Variants in MACROD2 observed in about 807,000 individuals in gnomAD.
MACROD2 encodes the protein ADP-ribose glycohydrolase MACROD2.
MACROD2 carries 36 observed loss-of-function variants against 70.4 expected under a neutral mutation model. The observed-to-expected ratio is 0.51, with a 90% CI of 0.39 to 0.68. The LOEUF (loss-of-function observed/expected upper bound fraction) is 0.68, where lower values mean the gene tolerates loss of function less well. Among genes scored for constraint, MACROD2 ranks in the 30% least tolerant of loss-of-function variants. MACROD2 has a pLI of 0.00. For synonymous variants in MACROD2, 172 were observed against 178.8 expected (o/e 0.96, Z 0.30); for missense variants, 496 against 538.4 (o/e 0.92, Z 0.78).
Position 15,559,119 on chromosome 20 carries a change from CGG to C in MACROD2, c.645+59274_645+59275del, listed in dbSNP as rs1353917668. 1.1e-4 allele frequency among the ~76,000 whole-genome samples: 17 copies of C among 149,908 alleles called. 1 individual carries two copies. The East Asian group carries it at 3.4e-3, about 30-fold the overall frequency. On this transcript the variant is annotated intron_variant, in intron 8 of 17. Coordinates refer to ENST00000684519, the MANE Select transcript of MACROD2 (RefSeq NM_001351661.2). The stretch of plus-strand genomic sequence containing the variant: ...GCGCACGCCTGTAGTCCCAGCTACA[CGG>C]GAGGCTGAGGCAGGAGAATGGCGTG...
At chr20:14,100,810 A>G (rs897890195) in intron 3 of MACROD2, among the ~76,000 whole-genome samples, 26 of 124,844 alleles carry the variant, frequency 2.1e-4, no homozygotes, top group African/African-American at 7.3e-4. Context: ...ATGATATATA[A>G]TCATATATCA....
intron 8 of MACROD2, among the ~76,000 whole-genome samples, chr20:15,812,216 C>G (rs16996604): frequency 0.029 from 4,408 of 152,268 alleles, 125 homozygotes; most frequent in East Asian, 0.069. Context: ...ATGCCTTATA[C>G]AAGGTGGGCT....
chr20:14,699,165 AG>A (rs1478163829), intron 5 of MACROD2, among the ~76,000 whole-genome samples: 5 of 152,172 alleles, frequency 3.3e-5, no homozygotes, highest in African/African-American at 7.2e-5. Context: ...ATTGATAGTG[AG>A]GTCCTTTCCC....
At chr20:14,585,111 A>T (rs1194765098) in intron 4 of MACROD2, among the ~76,000 whole-genome samples, 2 of 152,206 alleles carry the variant, frequency 1.3e-5, no homozygotes, top group Non-Finnish European at 2.9e-5. Flanking sequence ...TTGCTAGAGC[A>T]GCCCAGTTGT....
In MACROD2 at chr20:15,876,640, G is replaced by C. The variant is rs1358081975; in HGVS notation, c.728-9124G>C. On this transcript the variant is annotated intron_variant, in intron 9 of 17. Transcript: ENST00000684519. ...TTGGGTATATACCCAGTAATGGGATGGCTGGATCAAATGGTCTTTCTAGTT... is the reference window on the plus strand; with the variant it reads ...TTGGGTATATACCCAGTAATGGGATCGCTGGATCAAATGGTCTTTCTAGTT... Among the ~76,000 whole-genome samples the C allele has an allele frequency of 3.3e-5, 5 of 152,222 alleles. No individual in the cohort carries two copies. The South Asian group carries it at 1.0e-3, about 32-fold the overall frequency.
At chr20:15,998,291 A>G (rs1203180765) in intron 15 of MACROD2, among the ~76,000 whole-genome samples, 3 of 152,218 alleles carry the variant, frequency 2.0e-5, no homozygotes, top group African/African-American at 7.2e-5. Context: ...GAATTCACCA[A>G]TGAAGTAATC....
chr20:14,402,908 G>A (rs1254932132), intron 3 of MACROD2, among the ~76,000 whole-genome samples: 6 of 152,266 alleles, frequency 3.9e-5, no homozygotes, highest in African/African-American at 1.2e-4. Flanking sequence ...ATATGCTAAT[G>A]ACAGAAGGCA....
intron 8 of MACROD2, among the ~76,000 whole-genome samples, chr20:15,688,662 C>T (rs1242931524): frequency 6.6e-6 from 1 of 152,164 alleles, no homozygotes; most frequent in African/African-American, 2.4e-5. Context: ...AAAATGGCCT[C>T]TACACTTATT....
intron 12 of MACROD2, among the ~76,000 whole-genome samples, chr20:15,959,340 G>A (rs1187525146): frequency 1.3e-5 from 2 of 152,084 alleles, no homozygotes; most frequent in African/African-American, 2.4e-5. Flanking sequence ...GAAATTTACT[G>A]AACCTGTTTT....
intron 5 of MACROD2, among the ~76,000 whole-genome samples, chr20:14,808,353 G>A (rs2072665625): frequency 6.6e-6 from 1 of 152,028 alleles, no homozygotes; most frequent in African/African-American, 2.4e-5. Flanking sequence ...AAGTGAAGAA[G>A]AAATAAAATC....
intron 6 of MACROD2, among the ~76,000 whole-genome samples, chr20:15,426,973 G>T (rs2046306064): frequency 6.6e-6 from 1 of 151,888 alleles, no homozygotes; most frequent in Non-Finnish European, 1.5e-5. Flanking sequence ...TAGTTTGCTT[G>T]TTCACTTGCT....
chr20:14,522,982 T>C (rs1490223221), intron 4 of MACROD2, among the ~76,000 whole-genome samples: 1 of 152,184 alleles, frequency 6.6e-6, no homozygotes, highest in Admixed American at 6.5e-5. Context: ...CAGTCACGCC[T>C]TTTATACTTT....
intron 5 of MACROD2, 58 bp from the exon 6 acceptor site, chr20:15,229,882 G>C: frequency 1.3e-6 from 2 of 1,524,576 alleles, no homozygotes; most frequent in Admixed American, 4.2e-5. Flanking sequence ...TATTAATTAT[G>C]TAAAAAAAGT....
intron 3 of MACROD2, among the ~76,000 whole-genome samples, chr20:14,411,790 A>G (rs1016995269): frequency 6.6e-6 from 1 of 152,066 alleles, no homozygotes; most frequent in Non-Finnish European, 1.5e-5. Context: ...AGACTGTGCA[A>G]CTATGGGGGG....
At chr20:15,557,647 C>T (rs1017165) in intron 8 of MACROD2, among the ~76,000 whole-genome samples, 18,608 of 152,134 alleles carry the variant, frequency 0.12, 2,172 homozygotes, top group African/African-American at 0.3. Flanking sequence ...GAAACTTTAG[C>T]CCAAGTAATG....
At chr20:15,241,840 G>T (rs1042847642) in intron 6 of MACROD2, among the ~76,000 whole-genome samples, 1 of 151,606 alleles carries the variant, frequency 6.6e-6, no homozygotes, top group African/African-American at 2.4e-5. Flanking sequence ...GGCTACCCTA[G>T]GGAAACAAGG....
chr20:15,518,619 A>G (rs1329915269), intron 8 of MACROD2, among the ~76,000 whole-genome samples: 2 of 152,196 alleles, frequency 1.3e-5, no homozygotes, highest in East Asian at 3.9e-4. Flanking sequence ...GGAAGAAGAG[A>G]TTGAAGAAGA....
At chr20:14,338,422 A>C (rs567550804) in intron 3 of MACROD2, among the ~76,000 whole-genome samples, 1 of 152,290 alleles carries the variant, frequency 6.6e-6, no homozygotes, top group African/African-American at 2.4e-5. Flanking sequence ...TGGGAAGGGC[A>C]ATAGGAATGC....
At position 14,997,759 on chromosome 20, in the gene MACROD2, G is replaced by C. The variant is rs73897239; in HGVS notation, c.419-232181G>C. Among the ~76,000 whole-genome samples the C allele has an allele frequency of 8.2e-3, 1,242 of 152,246 alleles. 21 individuals carry two copies. The highest frequency in any genetic ancestry group is 0.051 in the Middle Eastern group (15 of 294). On this transcript the variant is annotated intron_variant, in intron 5 of 17. Coordinates refer to ENST00000684519, the MANE Select transcript of MACROD2 (RefSeq NM_001351661.2). ...GCCCTTGGGCCTTGAATCAGCAGTA[G>C]CCAGGCAATAGTCACCATGGGCCCT... is the stretch of plus-strand genomic sequence containing the variant.
Sources: allele counts gnomAD v4.1 joint callset (sites outside exome capture counted in the v4.1 genomes callset), GRCh38; gene constraint gnomAD v4.1.1; transcripts MANE v1.5; gene names NCBI Gene and HGNC (gene_info 2026-07-23, HGNC 2026-07-21).